The following COL23A1 variants were observed in gnomAD, a reference collection of about 807,000 sequenced individuals.
COL23A1 encodes the protein collagen type XXIII alpha 1 chain, also known as collagen alpha-1(XXIII) chain.
COL23A1 carries 97 observed loss-of-function variants against 99.3 expected under a neutral mutation model. That is an observed-to-expected ratio of 0.98 (90% CI 0.83 to 1.16). The LOEUF (loss-of-function observed/expected upper bound fraction) is 1.16, where lower values mean the gene tolerates loss of function less well. Ranked by LOEUF, COL23A1 falls within the 50% of genes most tolerant of loss-of-function variation. The pLI is 0.00. For synonymous variants in COL23A1, 320 were observed against 308.2 expected, an observed-to-expected ratio of 1.04 and a Z score of -0.40; for missense variants, 762 against 757.4, an observed-to-expected ratio of 1.01 and a Z score of -0.07.
intron 2 of COL23A1, among the ~76,000 whole-genome samples, chr5:178,342,662 T>C (rs1342625027): frequency 6.6e-6 from 1 of 152,220 alleles, no homozygotes; most frequent in Non-Finnish European, 1.5e-5. Context: ...AATCCCAATA[T>C]GATGTGTACA....
chr5:178,412,610 GCA>G (rs1323755309), intron 2 of COL23A1, among the ~76,000 whole-genome samples: 1 of 152,016 alleles, frequency 6.6e-6, no homozygotes, highest in Non-Finnish European at 1.5e-5. Context: ...TCATATTTTT[GCA>G]CAGTTCTTTA....
Position 178,258,262 on chromosome 5 carries a change from T to TATATATACACAC in COL23A1, c.730-696_730-695insGTGTGTATATAT. Among the ~76,000 whole-genome samples, 38 of 104,050 alleles carry TATATATACACAC rather than the reference T, an allele frequency of 3.7e-4. 2 individuals carry two copies. The highest frequency in any genetic ancestry group is 6.9e-4 in the Non-Finnish European group (31 of 44,822). 68.3% of individuals were successfully genotyped at this position (104,050 alleles called of 152,430 possible). A position where few individuals can be genotyped will look rare whatever the true frequency, so the allele number is the denominator to read the frequency against. On this transcript the variant is annotated intron_variant, in intron 12 of 28. Transcript: ENST00000390654. The stretch of plus-strand genomic sequence containing the variant: ...ATATATATATATATATATATATATA[T>TATATATACACAC]ACACATGCAAATCAATTCTAGGCAC...
chr5:178,238,694 T>C lies in COL23A1; in HGVS notation c.*4A>G, dbSNP rs773619714. On this transcript the variant is annotated 3_prime_UTR_variant, in exon 29 of 29. Transcript: ENST00000390654. Reference sequence around the variant, plus strand: ...TCTGTACAGGTGTGAGCTGGGCCTGTGGGTCACTGGAAAAGGAGGAAGAGA... The same window carrying C: ...TCTGTACAGGTGTGAGCTGGGCCTGCGGGTCACTGGAAAAGGAGGAAGAGA... 7 of 1,611,896 alleles carry C rather than the reference T, an allele frequency of 4.3e-6. No individual in the cohort carries two copies. Among genetic ancestry groups the C allele is most frequent in the Non-Finnish European group, 5.9e-6 (7 of 1,179,892 alleles).
chr5:178,264,055 G>C (rs1232533489), intron 8 of COL23A1, among the ~76,000 whole-genome samples: 1 of 152,186 alleles, frequency 6.6e-6, no homozygotes, highest in Non-Finnish European at 1.5e-5. Flanking sequence ...GTTAGGGATG[G>C]GGGGATGAAG....
intron 25 of COL23A1, among the ~76,000 whole-genome samples, chr5:178,243,047 G>A (rs6601229): frequency 0.54 from 82,030 of 151,892 alleles, 22,724 homozygotes; most frequent in Middle Eastern, 0.68. Flanking sequence ...AAAATTAGCC[G>A]AGTATGGTGA....
At chr5:178,565,919 C>G (rs973316644) in intron 1 of COL23A1, among the ~76,000 whole-genome samples, 5 of 150,724 alleles carry the variant, frequency 3.3e-5, no homozygotes, top group Non-Finnish European at 7.4e-5. Flanking sequence ...TCGTGACTAG[C>G]CTGGCCAAAA....
chr5:178,411,789 C>T (rs1765069124), intron 2 of COL23A1, among the ~76,000 whole-genome samples: 2 of 152,170 alleles, frequency 1.3e-5, no homozygotes, highest in Non-Finnish European at 2.9e-5. Flanking sequence ...AATTTCACCT[C>T]AATATTCAAC....
intron 2 of COL23A1, among the ~76,000 whole-genome samples, chr5:178,409,021 C>CA (rs1554161398): frequency 3.1e-5 from 4 of 129,350 alleles, no homozygotes; most frequent in Admixed American, 8.2e-5. Flanking sequence ...CACACACACA[C>CA]ATCATGTGGC....
Position 178,385,000 on chromosome 5 carries a change from C to T in COL23A1, c.362-78081G>A, listed in dbSNP as rs760114874. On this transcript the variant is annotated intron_variant, in intron 2 of 28. Transcript: ENST00000390654. This position sits in a 1 kb window ranked among gnomAD's most constrained non-coding sequence, Gnocchi z 5.5. Reference sequence around the variant, plus strand: ...CTGGGCTGCCCAGCCCACTCCACGCCGGGGGCTCTGTCCCTAGAGCCTGAG... The same window carrying T: ...CTGGGCTGCCCAGCCCACTCCACGCTGGGGGCTCTGTCCCTAGAGCCTGAG... Among the ~76,000 whole-genome samples the T allele has an allele frequency of 1.3e-5, 2 of 152,164 alleles. No individual in the cohort carries two copies. Among genetic ancestry groups the T allele is most frequent in the African/African-American group, 2.4e-5 (1 of 41,434 alleles).
At chr5:178,437,992 AG>A (rs895718853) in intron 2 of COL23A1, among the ~76,000 whole-genome samples, 21 of 152,334 alleles carry the variant, frequency 1.4e-4, no homozygotes, top group African/African-American at 4.6e-4. Flanking sequence ...AGGTTTAGGC[AG>A]GGCTGCTGCT....
chr5:178,320,943 C>T (rs945192127), intron 2 of COL23A1, among the ~76,000 whole-genome samples: 3 of 152,216 alleles, frequency 2.0e-5, no homozygotes, highest in East Asian at 3.9e-4. Flanking sequence ...GCAGGCTGTG[C>T]GCTCAGCCAT....
At chr5:178,435,496 T>C (rs1030133689) in intron 2 of COL23A1, among the ~76,000 whole-genome samples, 2 of 152,234 alleles carry the variant, frequency 1.3e-5, no homozygotes, top group African/African-American at 4.8e-5. Flanking sequence ...AGACCACGCA[T>C]GGCTCACAGC....
intron 2 of COL23A1, among the ~76,000 whole-genome samples, chr5:178,352,779 C>T (rs1338492319): frequency 1.3e-5 from 2 of 152,202 alleles, no homozygotes; most frequent in South Asian, 2.1e-4. Context: ...ACATAACTGC[C>T]CCCCAGGGCT....
At chr5:178,370,093 A>G (rs1352557773) in intron 2 of COL23A1, among the ~76,000 whole-genome samples, 1 of 152,228 alleles carries the variant, frequency 6.6e-6, no homozygotes, top group Non-Finnish European at 1.5e-5. Flanking sequence ...CACCAAATTC[A>G]TGCCACGTGT....
chr5:178,343,665 T>A (rs11430447), intron 2 of COL23A1, among the ~76,000 whole-genome samples: 786 of 11,014 alleles, frequency 0.071, 5 homozygotes, highest in African/African-American at 0.13. Flanking sequence ...ATATATATAT[T>A]TTTTTTTTTT....
At chr5:178,579,184 G>C (rs6866360) in intron 1 of COL23A1, among the ~76,000 whole-genome samples, 11,497 of 152,126 alleles carry the variant, frequency 0.076, 893 homozygotes, top group East Asian at 0.39. Flanking sequence ...ATGGGACCTC[G>C]ATTAGCAAAC....
chr5:178,333,014 G>T (rs1307656862), intron 2 of COL23A1, among the ~76,000 whole-genome samples: 1 of 152,124 alleles, frequency 6.6e-6, no homozygotes, highest in Admixed American at 6.5e-5. Context: ...CTGGAGTGCA[G>T]TGGCCCGATC....
intron 2 of COL23A1, among the ~76,000 whole-genome samples, chr5:178,447,098 ATT>A (rs398065445): frequency 6.8e-6 from 1 of 148,060 alleles, no homozygotes; most frequent in African/African-American, 2.5e-5. Context: ...TTTTATTATT[ATT>A]TTTTTTTTTC....
intron 2 of COL23A1, among the ~76,000 whole-genome samples, chr5:178,328,793 A>G (rs549907229): frequency 6.6e-6 from 1 of 152,342 alleles, no homozygotes; most frequent in East Asian, 1.9e-4. Context: ...GAGGTAACGC[A>G]AGGGGTCTAT....
Sources: gnomAD v4.1 joint callset for allele counts (sites outside exome capture counted in the v4.1 genomes callset) on GRCh38, gnomAD v4.1.1 for gene constraint, Gnocchi (gnomAD v3.1) non-coding constraint, MANE v1.5 for transcripts, NCBI Gene and HGNC (gene_info 2026-07-23, HGNC 2026-07-21) for gene names.